Variants in PRC1 observed in about 807,000 individuals in gnomAD.
PRC1 encodes the protein protein regulator of cytokinesis 1.
In PRC1, 54 loss-of-function variants were observed where a neutral mutation model predicts 91.2. The observed-to-expected ratio is 0.59, with a 90% CI of 0.48 to 0.74. The LOEUF (loss-of-function observed/expected upper bound fraction) is 0.74. Ranked by LOEUF, PRC1 falls within the 30% of genes least tolerant of loss-of-function variation. The pLI is 0.00. For synonymous variants in PRC1, 275 were observed against 263.6 expected (o/e 1.04, Z -0.42); for missense variants, 727 against 746.2 (o/e 0.97, Z 0.30).
chr15:90,978,352 G>A (rs1026822854), intron 8 of PRC1, among the ~76,000 whole-genome samples: 9 of 152,296 alleles, frequency 5.9e-5, no homozygotes, highest in African/African-American at 2.2e-4. Context: ...CTCACCAGCA[G>A]GTGACAGAGC....
At position 90,974,435 on chromosome 15, in the gene PRC1, C is replaced by A; in HGVS notation, c.1350+150G>T. The A allele has an allele frequency of 8.0e-7, 1 of 1,250,934 alleles. No individual in the cohort carries two copies. Among genetic ancestry groups the A allele is most frequent in the Admixed American group, 2.2e-5 (1 of 46,124 alleles). The allele number at this position is 1,250,934 out of a possible 1,614,324, so 77.5% of individuals were successfully genotyped here. On this transcript the variant is annotated intron_variant, in intron 10 of 14. Transcript: ENST00000394249. The surrounding 1 kb of genome is among the most constrained non-coding windows in gnomAD (Gnocchi z 4.6). ...CCACAAGCCCCGGTCCCCGGCTCCCCGTTCCACAAGCCCCGGTCCCCGGCT... is the reference window on the plus strand; with the variant it reads ...CCACAAGCCCCGGTCCCCGGCTCCCAGTTCCACAAGCCCCGGTCCCCGGCT...
intron 1 of PRC1, among the ~76,000 whole-genome samples, chr15:90,993,363 G>C (rs2040096545): frequency 1.3e-5 from 2 of 151,770 alleles, no homozygotes; most frequent in Admixed American, 1.3e-4. Flanking sequence ...CGCGCCACCA[G>C]GGCCAGATAA....
At chr15:90,986,614 G>A (rs1455956420) in intron 1 of PRC1, among the ~76,000 whole-genome samples, 1 of 152,080 alleles carries the variant, frequency 6.6e-6, no homozygotes, top group Non-Finnish European at 1.5e-5. Flanking sequence ...CTCCAGCTTG[G>A]GCGACAGAGC....
chr15:90,968,494 T>C, intron 14 of PRC1: 2 of 985,978 alleles, frequency 2.0e-6, no homozygotes, highest in Non-Finnish European at 2.4e-6. Flanking sequence ...AAAGGCAGTG[T>C]AGTTAGGTGT....
intron 13 of PRC1, 102 bp from the exon 14 acceptor site, chr15:90,969,222 A>G: frequency 7.5e-7 from 1 of 1,328,176 alleles, no homozygotes; most frequent in Non-Finnish European, 1.1e-6. Flanking sequence ...GGTATGTATT[A>G]AGCAGAAGGA....
Position 90,966,873 on chromosome 15 carries a change from G to A in PRC1, c.*258C>T, listed in dbSNP as rs566737380. 7.2e-4 allele frequency: 386 copies of A among 537,098 alleles called. 5 individuals carry two copies. Among genetic ancestry groups the A allele is most frequent in the South Asian group, 4.8e-3 (229 of 47,468 alleles). 33.3% of individuals were successfully genotyped at this position (537,098 alleles called of 1,614,324 possible). A position where few individuals can be genotyped will look rare whatever the true frequency, so the allele number is the denominator to read the frequency against. ...TAGAATTATGTGGTAGAGAAGTCAG[G>A]CCCCATATGCTAAAATTTGCACTTC... On this transcript the variant is annotated 3_prime_UTR_variant, in exon 15 of 15. Coordinates refer to ENST00000394249, the MANE Select transcript of PRC1 (RefSeq NM_003981.4).
intron 1 of PRC1, among the ~76,000 whole-genome samples, chr15:90,990,396 T>A (rs965302887): frequency 2.0e-5 from 3 of 149,350 alleles, no homozygotes; most frequent in Non-Finnish European, 4.4e-5. Flanking sequence ...AAATAATTTT[T>A]TTTTTTTTTT....
chr15:90,969,258 T>A (rs2037832775), intron 13 of PRC1, 138 bp from the exon 14 acceptor site: 1 of 1,206,274 alleles, frequency 8.3e-7, no homozygotes, highest in African/African-American at 1.5e-5. Flanking sequence ...TAGTTGCTGC[T>A]GCCAACTTCC....
In PRC1 at chr15:90,966,738, TTAATTAC is replaced by T. The variant is rs1221416245; in HGVS notation, c.*386_*392del. The stretch of plus-strand genomic sequence containing the variant: ...TGAACATGCCTAAACAAAAAAGATG[TTAATTAC>T]TAGTTACAGGTATACATGCCAAAAT... On this transcript the variant is annotated 3_prime_UTR_variant, in exon 15 of 15. Transcript: ENST00000394249. 12 of 445,542 alleles carry T rather than the reference TTAATTAC, an allele frequency of 2.7e-5. No individual in the cohort carries two copies. In the Admixed American group the frequency reaches 2.9e-4, roughly 11 times the overall value. The allele number at this position is 445,542 out of a possible 1,614,324, so 27.6% of individuals were successfully genotyped here.
In PRC1 at chr15:90,989,585, T is replaced by C. The variant is rs147338738; in HGVS notation, c.12-4760A>G. On this transcript the variant is annotated intron_variant, in intron 1 of 14. Transcript: ENST00000394249. ...AGTTCATACAACTCAGCAATTTTAT[T>C]ACTGGGTATTTGCCCAAAAGAAATG... 3.9e-3 allele frequency among the ~76,000 whole-genome samples: 594 copies of C among 151,752 alleles called. 1 individual carries two copies. The highest frequency in any genetic ancestry group is 5.8e-3 in the Non-Finnish European group (391 of 67,960).
At position 90,969,763 on chromosome 15, in the gene PRC1, CATATATATATATATATATAT is replaced by C. The variant is rs61067469; in HGVS notation, c.1573-160_1573-141del. On this transcript the variant is annotated intron_variant, in intron 12 of 14. Transcript: ENST00000394249. ...CTATACTTTTTAGTTAAAAAAAAAACATATATATATATATATATATATATATATATATATATATGGGGCTG... is the reference window on the plus strand; with the variant it reads ...CTATACTTTTTAGTTAAAAAAAAAACATATATATATATATATATGGGGCTG... 366 of 130,500 alleles carry C rather than the reference CATATATATATATATATATAT, an allele frequency of 2.8e-3. 6 individuals are homozygous for C. Among genetic ancestry groups the C allele is most frequent in the Middle Eastern group, 8.7e-3 (3 of 344 alleles). 8.1% of individuals were successfully genotyped at this position (130,500 alleles called of 1,614,324 possible). A position where few individuals can be genotyped will look rare whatever the true frequency, so the allele number is the denominator to read the frequency against.
At chr15:90,968,149 G>GC in intron 14 of PRC1, 1 of 985,340 alleles carries the variant, frequency 1.0e-6, no homozygotes, top group Non-Finnish European at 1.2e-6. Context: ...ACACAGATAG[G>GC]CAGGTACATT....
At chr15:90,969,014 A>G (rs1022524776) in intron 14 of PRC1, 65 bp downstream of exon 14, 4 of 1,612,748 alleles carry the variant, frequency 2.5e-6, no homozygotes, top group Non-Finnish European at 3.4e-6. Flanking sequence ...CTGTGCCCAG[A>G]TGAATGAAGC....
intron 13 of PRC1, 111 bp downstream of exon 13, chr15:90,969,336 C>A: frequency 7.2e-7 from 1 of 1,387,734 alleles, no homozygotes; most frequent in Non-Finnish European, 9.9e-7. Flanking sequence ...GGATTCTCAG[C>A]CTCCAAGGTA....
chr15:90,967,723 T>C (rs940026213), intron 14 of PRC1: 1 of 624,554 alleles, frequency 1.6e-6, no homozygotes, highest in South Asian at 6.9e-5. Context: ...CCATACCATA[T>C]AGTTTAGGTG....
intron 7 of PRC1, 133 bp from the exon 8 acceptor site, chr15:90,979,427 G>C: frequency 1.9e-6 from 2 of 1,051,992 alleles, no homozygotes; most frequent in Non-Finnish European, 2.7e-6. Flanking sequence ...AGGCGTGTGT[G>C]TGTGTGTAAT....
chr15:90,974,004 T>C lies in PRC1; in HGVS notation c.1461+132A>G, dbSNP rs1263878657. ...TCTCTATACTTTGTGTCTTATTTCT[T>C]TTCTCTGTCTCTTGTCCCACCTGAT... On this transcript the variant is annotated intron_variant, in intron 11 of 14. Transcript: ENST00000394249. The surrounding 1 kb of genome is among the most constrained non-coding windows in gnomAD (Gnocchi z 4.6). 2.8e-6 allele frequency: 2 copies of C among 724,064 alleles called. No individual in the cohort carries two copies. The highest frequency in any genetic ancestry group is 1.8e-5 in the African/African-American group (1 of 56,434). 44.9% of individuals were successfully genotyped at this position (724,064 alleles called of 1,614,324 possible). A position where few individuals can be genotyped will look rare whatever the true frequency, so the allele number is the denominator to read the frequency against.
Position 90,974,151 on chromosome 15 carries a change from C to A in PRC1, c.1446G>T (p.Pro482=). ...TTGTGTTTACCTTACGTGCTTTGCC[C>A]GGTGTATTGGGAGCCAGTCCTCGCC... ...SKRRGLAPNT[P]GKARKLNTTT... Residue 482 remains proline (P), a synonymous_variant, in exon 11 of 15, where the codon CCG becomes CCT. Transcript: ENST00000394249. The surrounding 1 kb of genome is among the most constrained non-coding windows in gnomAD (Gnocchi z 4.6). 1 of 1,613,882 alleles carries A rather than the reference C, an allele frequency of 6.2e-7. No homozygotes were observed. Among genetic ancestry groups the A allele is most frequent in the Non-Finnish European group, 8.5e-7 (1 of 1,179,804 alleles).
At chr15:90,980,204 C>T in intron 7 of PRC1, 38 bp downstream of exon 7, 1 of 1,555,414 alleles carries the variant, frequency 6.4e-7, no homozygotes, top group South Asian at 1.2e-5. Context: ...AGACCTGTCT[C>T]CAAACAAACA....
Sources: gnomAD v4.1 joint callset for allele counts (sites outside exome capture counted in the v4.1 genomes callset) on GRCh38, gnomAD v4.1.1 for gene constraint, Gnocchi (gnomAD v3.1) non-coding constraint, MANE v1.5 for transcripts, NCBI Gene and HGNC (gene_info 2026-07-23, HGNC 2026-07-21) for gene names.